The following NEDD1 variants were observed in gnomAD, a reference collection of about 807,000 sequenced individuals.
The protein encoded by NEDD1 is protein NEDD1.
NEDD1 carries 33 observed loss-of-function variants against 74.0 expected under a neutral mutation model. The observed-to-expected ratio is 0.45, with a 90% confidence interval of 0.34 to 0.60. The LOEUF (loss-of-function observed/expected upper bound fraction) is 0.60, where lower values mean the gene tolerates loss of function less well. Among genes scored for constraint, NEDD1 ranks in the 20% least tolerant of loss-of-function variants. The pLI, the probability that NEDD1 is intolerant of heterozygous loss-of-function variation, is 0.01. For missense variants in NEDD1, 746 were observed against 776.5 expected (o/e 0.96, Z 0.47); for synonymous variants, 250 against 264.4 (o/e 0.95, Z 0.53).
chr12:96,937,106 T>A, intron 8 of NEDD1, 92 bp from the exon 9 acceptor site: 1 of 726,946 alleles, frequency 1.4e-6, no homozygotes. Flanking sequence ...GAAAAAAATA[T>A]ATTTTTTAAT....
intron 6 of NEDD1, among the ~76,000 whole-genome samples, chr12:96,929,866 T>C (rs1345638670): frequency 6.6e-6 from 1 of 152,046 alleles, no homozygotes; most frequent in Non-Finnish European, 1.5e-5. Context: ...GTTAATGAAG[T>C]GGATATTCTG....
At position 96,909,220 on chromosome 12, in the gene NEDD1, A is replaced by G. The variant is rs555170355; in HGVS notation, c.-8-532A>G. Among the ~76,000 whole-genome samples, 16 of 152,292 alleles carry G rather than the reference A, an allele frequency of 1.1e-4. No individual in the cohort carries two copies. In the South Asian group the frequency reaches 2.7e-3, roughly 26 times the overall value. On this transcript the variant is annotated intron_variant, in intron 2 of 15. Coordinates refer to ENST00000266742, the MANE Select transcript of NEDD1 (RefSeq NM_152905.4). ...TTCAGATATTAGGAAGTGCTATGAAAAAAATGAAATCAGGTATTGGGATAT... is the reference window on the plus strand; with the variant it reads ...TTCAGATATTAGGAAGTGCTATGAAGAAAATGAAATCAGGTATTGGGATAT...
chr12:96,947,687 G>A (rs551374379), intron 14 of NEDD1, among the ~76,000 whole-genome samples: 5 of 152,260 alleles, frequency 3.3e-5, no homozygotes, highest in Non-Finnish European at 5.9e-5. Flanking sequence ...CTCTGAAATC[G>A]CTGTGCATTT....
intron 4 of NEDD1, among the ~76,000 whole-genome samples, chr12:96,916,992 A>G (rs979876268): frequency 6.6e-6 from 1 of 152,074 alleles, no homozygotes; most frequent in African/African-American, 2.4e-5. Flanking sequence ...GGGGAGGGAG[A>G]ACAAGAAATC....
At chr12:96,922,729 T>G (rs1050034952) in intron 6 of NEDD1, among the ~76,000 whole-genome samples, 1 of 152,218 alleles carries the variant, frequency 6.6e-6, no homozygotes, top group Non-Finnish European at 1.5e-5. Flanking sequence ...AATACATTGG[T>G]GTAACTACTA....
intron 6 of NEDD1, among the ~76,000 whole-genome samples, chr12:96,926,157 C>T (rs1412800560): frequency 6.6e-6 from 1 of 151,954 alleles, no homozygotes; most frequent in African/African-American, 2.4e-5. Flanking sequence ...ATTAAAATAC[C>T]TTTTGTGATT....
intron 15 of NEDD1, 34 bp from the exon 16 acceptor site, chr12:96,951,912 TATC>T: frequency 9.2e-7 from 1 of 1,087,392 alleles, no homozygotes; most frequent in Non-Finnish European, 1.4e-6. Flanking sequence ...AAATGTGAAA[TATC>T]AATAATTTAA....
chr12:96,952,726 A>C lies in NEDD1; in HGVS notation c.*673A>C, dbSNP rs1009907674. ...TTTTAAGATATCTTTACCTATAAAA[A>C]ATGTTTAAGGTTCATAGGACTCGAC... On this transcript the variant is annotated 3_prime_UTR_variant, in exon 16 of 16. Transcript: ENST00000266742. The C allele has an allele frequency of 1.3e-5, 2 of 151,714 alleles. No individual in the cohort carries two copies. The highest frequency in any genetic ancestry group is 3.0e-5 in the Non-Finnish European group (2 of 67,694). The allele number at this position is 151,714 out of a possible 1,614,324, so 9.4% of individuals were successfully genotyped here. A position where few individuals can be genotyped will look rare whatever the true frequency, so the allele number is the denominator to read the frequency against.
intron 6 of NEDD1, among the ~76,000 whole-genome samples, chr12:96,920,644 AAAT>A (rs1874974151): frequency 6.6e-6 from 1 of 152,164 alleles, no homozygotes; most frequent in Non-Finnish European, 1.5e-5. Context: ...TTTAAAAGGA[AAAT>A]AAGTCAATTT....
Position 96,935,417 on chromosome 12 carries a change from TAGAG to T in NEDD1, c.719+216_719+219del, listed in dbSNP as rs550472921. Among the ~76,000 whole-genome samples, 95 of 152,302 alleles carry T rather than the reference TAGAG, an allele frequency of 6.2e-4. 1 individual carries two copies. In the South Asian group the frequency reaches 0.016, roughly 26 times the overall value. On this transcript the variant is annotated intron_variant, in intron 7 of 15. Transcript: ENST00000266742. The stretch of plus-strand genomic sequence containing the variant: ...TTAGGGTACTTCTGAAACATGAACA[TAGAG>T]AGATGACATCTTAATGATTTCACAT...
At chr12:96,922,267 ATTTTG>A (rs982315099) in intron 6 of NEDD1, among the ~76,000 whole-genome samples, 1 of 150,674 alleles carries the variant, frequency 6.6e-6, no homozygotes, top group African/African-American at 2.5e-5. Context: ...AACTTATTAT[ATTTTG>A]TTTTGGTGAT....
At chr12:96,917,579 C>G in intron 4 of NEDD1, 42 bp from the exon 5 acceptor site, 3 of 1,475,624 alleles carry the variant, frequency 2.0e-6, no homozygotes, top group Non-Finnish European at 2.7e-6. Flanking sequence ...CAGCTCTGGG[C>G]TCTGTTAAAT....
chr12:96,952,092 G>A lies in NEDD1; in HGVS notation c.*39G>A. 8.9e-7 allele frequency: 1 copy of A among 1,121,646 alleles called. No homozygotes were observed. Among genetic ancestry groups the A allele is most frequent in the South Asian group, 1.2e-5 (1 of 80,126 alleles). The allele number at this position is 1,121,646 out of a possible 1,614,324, so 69.5% of individuals were successfully genotyped here. A position where few individuals can be genotyped will look rare whatever the true frequency, so the allele number is the denominator to read the frequency against. On this transcript the variant is annotated 3_prime_UTR_variant, in exon 16 of 16. Transcript: ENST00000266742. The stretch of plus-strand genomic sequence containing the variant: ...ACCTTAATGTTCTGTAATTTGGGAA[G>A]TTTCTGGCAACACAGAACTACATAG...
At chr12:96,913,837 G>T (rs1478322132) in intron 4 of NEDD1, among the ~76,000 whole-genome samples, 3 of 151,652 alleles carry the variant, frequency 2.0e-5, no homozygotes, top group Non-Finnish European at 4.4e-5. Flanking sequence ...AGTTTTTCTA[G>T]CAGATCTTAA....
chr12:96,952,196 A>G lies in NEDD1; in HGVS notation c.*143A>G. The G allele has an allele frequency of 1.8e-6, 1 of 558,356 alleles. No homozygotes were observed. The highest frequency in any genetic ancestry group is 3.2e-6 in the Non-Finnish European group (1 of 316,652). 34.6% of individuals were successfully genotyped at this position (558,356 alleles called of 1,614,324 possible). A position where few individuals can be genotyped will look rare whatever the true frequency, so the allele number is the denominator to read the frequency against. ...AAAAGGATGATGGGATTTTATACCA[A>G]CAACTGTTTCATCTTAAAAATATGT... On this transcript the variant is annotated 3_prime_UTR_variant, in exon 16 of 16. Coordinates refer to ENST00000266742, the MANE Select transcript of NEDD1 (RefSeq NM_152905.4).
At chr12:96,937,947 C>T (rs1349753340) in intron 9 of NEDD1, among the ~76,000 whole-genome samples, 1 of 151,990 alleles carries the variant, frequency 6.6e-6, no homozygotes, top group Non-Finnish European at 1.5e-5. Context: ...TCTGTAAATT[C>T]CTGAAAACCT....
At position 96,920,072 on chromosome 12, in the gene NEDD1, C is replaced by T. The variant is rs1168851210; in HGVS notation, c.436C>T (p.His146Tyr). Residue 146 changes from histidine to tyrosine, a missense_variant, in exon 6 of 16, where the codon CAC becomes TAC. This residue lies in a region of NEDD1 where 706 missense variants were observed against 706.7 expected (regional missense o/e 1.00). Transcript: ENST00000266742. ...SGSLSGEIIL[H>Y]SVTTNLSSTP... ...ATCTCTTAGTGGTGAAATTATTTTA[C>T]ACAGTGTAACCACTAATTTATCTAG... The T allele has an allele frequency of 1.7e-5, 28 of 1,603,892 alleles. No homozygotes were observed. The highest frequency in any genetic ancestry group is 2.3e-5 in the Non-Finnish European group (27 of 1,171,430).
chr12:96,914,333 A>T (rs539965261), intron 4 of NEDD1, among the ~76,000 whole-genome samples: 2 of 152,208 alleles, frequency 1.3e-5, no homozygotes, highest in African/African-American at 2.4e-5. Context: ...CTTTTTTTTT[A>T]AAGTATAAAA....
chr12:96,935,139 A>G lies in NEDD1; in HGVS notation c.653A>G (p.Asn218Ser), dbSNP rs1218818290. Residue 218 changes from asparagine (N) to serine (S), a missense_variant, in exon 7 of 16, where the codon AAT becomes AGT. Transcript: ENST00000266742. ...TCAGGCATCTGTTTTTCTCCTGTCA[A>G]TGAATTGCTCTTTGTAACCATAGGC... ...PASGICFSPV[N>S]ELLFVTIGLD... 17 of 1,613,628 alleles carry G rather than the reference A, an allele frequency of 1.1e-5. No homozygotes were observed. The highest frequency in any genetic ancestry group is 1.7e-5 in the Admixed American group (1 of 60,006).
Sources: allele counts gnomAD v4.1 joint callset (sites outside exome capture counted in the v4.1 genomes callset), GRCh38; gene constraint gnomAD v4.1.1; regional missense constraint gnomAD v4.1.1; transcripts MANE v1.5; gene names NCBI Gene and HGNC (gene_info 2026-07-23, HGNC 2026-07-21).